Variants in TANGO6 observed in about 807,000 individuals in gnomAD.
TANGO6 encodes transport and golgi organization 6 homolog.
A neutral mutation model predicts 114.2 loss-of-function variants in TANGO6; 90 were observed. The ratio of observed to expected loss-of-function variants is 0.79; its 90% CI spans 0.66 to 0.94. The LOEUF is 0.94. Among genes scored for constraint, TANGO6 ranks in the 40% least tolerant of loss-of-function variants. TANGO6 has a pLI of 0.00. For synonymous variants in TANGO6, 477 were observed against 509.8 expected (o/e 0.94, Z 0.87); for missense variants, 1,274 against 1,315.3 (o/e 0.97, Z 0.49).
chr16:68,984,677 A>G (rs1963874502), intron 15 of TANGO6, among the ~76,000 whole-genome samples: 2 of 152,014 alleles, frequency 1.3e-5, no homozygotes, highest in African/African-American at 2.4e-5. Context: ...ATGCATCACC[A>G]TGCCCAGCTA....
Position 68,875,238 on chromosome 16 carries a change from G to C in TANGO6, c.1079G>C (p.Cys360Ser). The change falls in exon 5 of 18, where the codon TGT (cysteine) becomes TCT (serine). Residue 360 changes from cysteine (C) to serine (S), a missense_variant. Transcript: ENST00000261778. ...CDLIAKILAS[C>S]PQQSLSPENY... The stretch of plus-strand genomic sequence containing the variant: ...CTGATCGCAAAGATTTTGGCCTCTT[G>C]TCCCCAGCAGTCTCTTTCACCAGAG... 6.2e-7 allele frequency: 1 copy of C among 1,613,718 alleles called. No homozygotes were observed. The highest frequency in any genetic ancestry group is 1.1e-5 in the South Asian group (1 of 91,034).
At chr16:69,018,370 A>C (rs1249625655) in intron 15 of TANGO6, among the ~76,000 whole-genome samples, 1 of 149,242 alleles carries the variant, frequency 6.7e-6, no homozygotes, top group African/African-American at 2.5e-5. Flanking sequence ...GGATGGTCTC[A>C]ATCTCCTGAC....
chr16:69,043,208 A>G (rs1277712180), intron 17 of TANGO6, among the ~76,000 whole-genome samples: 3 of 152,190 alleles, frequency 2.0e-5, no homozygotes, highest in African/African-American at 7.2e-5. Flanking sequence ...TCTGGGCGAC[A>G]GAGAGAGACT....
At chr16:69,071,074 A>G (rs1960292541) in intron 17 of TANGO6, among the ~76,000 whole-genome samples, 2 of 152,150 alleles carry the variant, frequency 1.3e-5, no homozygotes, top group East Asian at 1.9e-4. Context: ...AAAATTAGGA[A>G]TGCCTTTGTT....
chr16:68,891,058 G>A (rs561735241), intron 7 of TANGO6, among the ~76,000 whole-genome samples: 3 of 146,154 alleles, frequency 2.1e-5, no homozygotes, highest in South Asian at 2.2e-4. Context: ...TTGGGAGGCC[G>A]AGGTGGGGGG....
intron 16 of TANGO6, among the ~76,000 whole-genome samples, chr16:69,024,056 C>CA (rs1959458822): frequency 6.6e-6 from 1 of 151,466 alleles, no homozygotes. Context: ...CATGTGTCAC[C>CA]ACACCTGGCC....
At chr16:68,957,738 T>G (rs1963547811) in intron 14 of TANGO6, among the ~76,000 whole-genome samples, 2 of 152,066 alleles carry the variant, frequency 1.3e-5, no homozygotes, top group African/African-American at 4.8e-5. Context: ...ACATAGAAAT[T>G]ATGAAGTAAC....
At position 68,927,962 on chromosome 16, in the gene TANGO6, A is replaced by C; in HGVS notation, c.2522A>C (p.Glu841Ala). 1 of 1,613,722 alleles carries C rather than the reference A, an allele frequency of 6.2e-7. No individual in the cohort carries two copies. The highest frequency in any genetic ancestry group is 8.5e-7 in the Non-Finnish European group (1 of 1,179,762). ...SGSVTTEQLQ[E>A]VLLSAYDPQI... ...AGCGTAACCACAGAACAGCTCCAAGAGGTTCTTTTGTCAGCTTATGACCCT... is the reference window on the plus strand; with the variant it reads ...AGCGTAACCACAGAACAGCTCCAAGCGGTTCTTTTGTCAGCTTATGACCCT... The change falls in exon 13 of 18, where the codon GAG (glutamate) becomes GCG (alanine). Residue 841 changes from glutamate (E) to alanine (A), a missense_variant. Coordinates refer to ENST00000261778, the MANE Select transcript of TANGO6 (RefSeq NM_024562.2).
intron 14 of TANGO6, among the ~76,000 whole-genome samples, chr16:68,959,182 T>G (rs1963564506): frequency 1.3e-5 from 2 of 152,228 alleles, no homozygotes; most frequent in Admixed American, 1.3e-4. Flanking sequence ...AAGTCCTGCA[T>G]GTCATGTTTG....
intron 9 of TANGO6, among the ~76,000 whole-genome samples, chr16:68,904,350 G>A (rs1962822167): frequency 6.6e-6 from 1 of 152,190 alleles, no homozygotes; most frequent in Non-Finnish European, 1.5e-5. Flanking sequence ...GCTTAGAAGG[G>A]ACGTTTATCC....
rs866899290 is a variant in TANGO6, at chr16:68,976,008, C to T, written c.2842+1840C>T. 4.6e-5 allele frequency among the ~76,000 whole-genome samples: 7 copies of T among 152,190 alleles called. No individual in the cohort carries two copies. In the South Asian group the frequency reaches 1.5e-3, roughly 32 times the overall value. On this transcript the variant is annotated intron_variant, in intron 15 of 17. Coordinates refer to ENST00000261778, the MANE Select transcript of TANGO6 (RefSeq NM_024562.2). ...GGAGTTCATTGGCACGGTCATGGCT[C>T]ACTGCAGCCTTGACCTCTTACGCTC...
chr16:69,074,323 C>T (rs1213240151), intron 17 of TANGO6, among the ~76,000 whole-genome samples: 1 of 151,760 alleles, frequency 6.6e-6, no homozygotes, highest in African/African-American at 2.4e-5. Flanking sequence ...ATCCAGACCC[C>T]AAAAGAGGCT....
chr16:68,935,097 A>G (rs1238752266), intron 14 of TANGO6, among the ~76,000 whole-genome samples: 2 of 152,166 alleles, frequency 1.3e-5, no homozygotes, highest in Non-Finnish European at 1.5e-5. Flanking sequence ...CATTAAAGAA[A>G]ATAGCTGAAT....
intron 12 of TANGO6, chr16:68,926,997 GAC>G (rs1963175475): frequency 6.4e-6 from 1 of 155,102 alleles, no homozygotes; most frequent in Non-Finnish European, 1.4e-5. Context: ...ACATTATTCA[GAC>G]AAAGCTTCCA....
chr16:69,075,250 AAAATT>A (rs1232011135), intron 17 of TANGO6, among the ~76,000 whole-genome samples: 2 of 151,812 alleles, frequency 1.3e-5, no homozygotes, highest in African/African-American at 4.8e-5. Context: ...TTGCTGGAGA[AAAATT>A]AAAATGTTAA....
intron 17 of TANGO6, among the ~76,000 whole-genome samples, chr16:69,075,417 G>A (rs978489107): frequency 4.6e-5 from 7 of 151,298 alleles, no homozygotes; most frequent in Admixed American, 2.6e-4. Context: ...CTTCTTAGCA[G>A]AACAGTAGAA....
At chr16:68,942,320 C>G (rs1963362441) in intron 14 of TANGO6, among the ~76,000 whole-genome samples, 1 of 149,382 alleles carries the variant, frequency 6.7e-6, no homozygotes, top group African/African-American at 2.5e-5. Flanking sequence ...AAAACTCCAT[C>G]TCAAAAAAAA....
intron 14 of TANGO6, among the ~76,000 whole-genome samples, chr16:68,969,106 T>C (rs1430840448): frequency 6.6e-6 from 1 of 152,174 alleles, no homozygotes; most frequent in Non-Finnish European, 1.5e-5. Flanking sequence ...TTGCACCACA[T>C]CCTAAAATGC....
intron 14 of TANGO6, among the ~76,000 whole-genome samples, chr16:68,945,715 T>G (rs1343340940): frequency 6.6e-6 from 1 of 151,960 alleles, no homozygotes; most frequent in Non-Finnish European, 1.5e-5. Context: ...AGATGGAGTC[T>G]CACTCTGCTG....
Sources: allele counts gnomAD v4.1 joint callset (sites outside exome capture counted in the v4.1 genomes callset), GRCh38; gene constraint gnomAD v4.1.1; transcripts MANE v1.5; gene names NCBI Gene and HGNC (gene_info 2026-07-23, HGNC 2026-07-21).